Variants in SNRK observed in about 807,000 individuals in gnomAD.
SNRK encodes SNF-related serine/threonine-protein kinase.
SNRK carries 3 observed loss-of-function variants against 48.2 expected under a neutral mutation model. The ratio of observed to expected loss-of-function variants is 0.06; its 90% confidence interval spans 0.03 to 0.16. SNRK has a LOEUF of 0.16. SNRK is among the 10% of genes least tolerant of loss of function. SNRK has a pLI of 1.00. For synonymous variants in SNRK, 376 were observed against 366.1 expected, an observed-to-expected ratio of 1.03 and a Z score of -0.31; for missense variants, 627 against 976.0, an observed-to-expected ratio of 0.64 and a Z score of 4.76.
chr3:43,304,469 C>T (rs554348702), intron 3 of SNRK, among the ~76,000 whole-genome samples: 2 of 152,266 alleles, frequency 1.3e-5, no homozygotes, highest in African/African-American at 4.8e-5. Flanking sequence ...TTTCCCTCTC[C>T]ACACACTTTG....
At chr3:43,313,586 T>G (rs1007980941) in intron 3 of SNRK, among the ~76,000 whole-genome samples, 2 of 152,190 alleles carry the variant, frequency 1.3e-5, no homozygotes, top group African/African-American at 4.8e-5. Flanking sequence ...TGAAGGAGCC[T>G]TGTGGTGATG....
rs2090915900 is a variant in SNRK, at chr3:43,303,872, G to T, written c.589+80G>T. ...TCAGATCGGTTGTTTATCTAAAAATGATTTCTAGAGAATTTCTGTTAAATT... is the reference window on the plus strand; with the variant it reads ...TCAGATCGGTTGTTTATCTAAAAATTATTTCTAGAGAATTTCTGTTAAATT... On this transcript the variant is annotated intron_variant, in intron 3 of 6. Transcript: ENST00000296088. The surrounding 1 kb of genome is among the most constrained non-coding windows in gnomAD (Gnocchi z 6.2). 4.9e-6 allele frequency: 5 copies of T among 1,029,810 alleles called. No homozygotes were observed. The highest frequency in any genetic ancestry group is 1.6e-5 in the African/African-American group (1 of 62,314). The allele number at this position is 1,029,810 out of a possible 1,614,324, so 63.8% of individuals were successfully genotyped here.
At chr3:43,287,742 G>A (rs1225261083) in intron 1 of SNRK, among the ~76,000 whole-genome samples, 1 of 152,192 alleles carries the variant, frequency 6.6e-6, no homozygotes, top group Non-Finnish European at 1.5e-5. Flanking sequence ...CCTTGTATGG[G>A]ATTGGAGCAC....
intron 4 of SNRK, among the ~76,000 whole-genome samples, chr3:43,339,197 C>T (rs1368649430): frequency 6.6e-6 from 1 of 152,178 alleles, no homozygotes; most frequent in African/African-American, 2.4e-5. Flanking sequence ...ACACAGATAT[C>T]ATTAGTTTGG....
At chr3:43,338,684 G>A (rs189747323) in intron 4 of SNRK, among the ~76,000 whole-genome samples, 130 of 152,066 alleles carry the variant, frequency 8.5e-4, no homozygotes, top group Non-Finnish European at 1.4e-3. Context: ...ATTTCCTAAC[G>A]CAGTCTATTG....
intron 3 of SNRK, among the ~76,000 whole-genome samples, chr3:43,330,164 T>A (rs1304868377): frequency 1.3e-5 from 2 of 152,242 alleles, no homozygotes; most frequent in Non-Finnish European, 2.9e-5. Context: ...TTAAACATTG[T>A]CAATATTTGA....
intron 3 of SNRK, among the ~76,000 whole-genome samples, chr3:43,309,151 GT>G (rs1004555950): frequency 3.2e-4 from 49 of 151,216 alleles, no homozygotes; most frequent in Non-Finnish European, 4.3e-4. Context: ...CAAAGAAAGT[GT>G]TTTTTTTTAG....
rs2091319927 is a variant in SNRK at position 43,351,094 on chromosome 3, G to T, written c.*2537G>T. 2 of 152,194 alleles carry T rather than the reference G, an allele frequency of 1.3e-5. No individual in the cohort carries two copies. The highest frequency in any genetic ancestry group is 4.8e-5 in the African/African-American group (2 of 41,298). 9.4% of individuals were successfully genotyped at this position (152,194 alleles called of 1,614,324 possible). ...ACATTGACAGGTATGTGACAAATGGGAAAAAAAATCCAAATAATAAAGTGA... is the reference window on the plus strand; with the variant it reads ...ACATTGACAGGTATGTGACAAATGGTAAAAAAAATCCAAATAATAAAGTGA... On this transcript the variant is annotated 3_prime_UTR_variant, in exon 7 of 7. Coordinates refer to ENST00000296088, the MANE Select transcript of SNRK (RefSeq NM_017719.5).
chr3:43,324,710 C>G (rs1215459829), intron 3 of SNRK, among the ~76,000 whole-genome samples: 1 of 151,658 alleles, frequency 6.6e-6, no homozygotes, highest in Non-Finnish European at 1.5e-5. Flanking sequence ...TATTGTAATT[C>G]CTAGAAAGAT....
intron 1 of SNRK, among the ~76,000 whole-genome samples, chr3:43,299,094 AGT>A (rs1250772607): frequency 3.4e-4 from 52 of 152,150 alleles, no homozygotes; most frequent in Non-Finnish European, 5.6e-4. Context: ...CCTACTATGC[AGT>A]TTCATGGGGA....
intron 1 of SNRK, among the ~76,000 whole-genome samples, chr3:43,287,290 G>A (rs1385977926): frequency 1.3e-5 from 2 of 152,188 alleles, no homozygotes; most frequent in African/African-American, 4.8e-5. Flanking sequence ...GGAAATCTAC[G>A]TTCTTTTCCA....
At chr3:43,317,686 C>T (rs566880787) in intron 3 of SNRK, among the ~76,000 whole-genome samples, 7 of 152,132 alleles carry the variant, frequency 4.6e-5, no homozygotes, top group Non-Finnish European at 7.4e-5. Context: ...ACTCCAAGCC[C>T]GGTCCTACCT....
intron 6 of SNRK, among the ~76,000 whole-genome samples, chr3:43,343,895 T>C (rs2091255761): frequency 6.6e-6 from 1 of 152,146 alleles, no homozygotes; most frequent in African/African-American, 2.4e-5. Flanking sequence ...CTAAATAGAG[T>C]ATTGCTATGC....
At chr3:43,328,392 G>C in intron 3 of SNRK, among the ~76,000 whole-genome samples, 1 of 151,754 alleles carries the variant, frequency 6.6e-6, no homozygotes, top group East Asian at 1.9e-4. Context: ...ATGGGGTCTG[G>C]CTATGTTTCC....
chr3:43,295,401 A>C lies in SNRK; in HGVS notation c.-168-4353A>C, dbSNP rs577403254. On this transcript the variant is annotated intron_variant, in intron 1 of 6. Coordinates refer to ENST00000296088, the MANE Select transcript of SNRK (RefSeq NM_017719.5). Reference sequence around the variant, plus strand: ...TAGTCCCCTCAGCGGCCCCTAGCCCATCAAATTGATGAAAACGAAGAACAT... The same window carrying C: ...TAGTCCCCTCAGCGGCCCCTAGCCCCTCAAATTGATGAAAACGAAGAACAT... Among the ~76,000 whole-genome samples, 23 of 152,370 alleles carry C rather than the reference A, an allele frequency of 1.5e-4. No homozygotes were observed. The South Asian group carries it at 4.8e-3, about 32-fold the overall frequency.
intron 3 of SNRK, among the ~76,000 whole-genome samples, chr3:43,324,579 T>G (rs1417650862): frequency 6.6e-6 from 1 of 151,500 alleles, no homozygotes; most frequent in African/African-American, 2.4e-5. Flanking sequence ...CTGAAAGAAG[T>G]AAGTGTTAAT....
At chr3:43,337,256 G>A (rs1387850840) in intron 4 of SNRK, among the ~76,000 whole-genome samples, 1 of 149,236 alleles carries the variant, frequency 6.7e-6, no homozygotes, top group Non-Finnish European at 1.5e-5. Flanking sequence ...TGTATTTTTA[G>A]TAGTGATGGG....
chr3:43,345,639 G>A (rs1265077450), intron 6 of SNRK, among the ~76,000 whole-genome samples: 1 of 152,192 alleles, frequency 6.6e-6, no homozygotes, highest in African/African-American at 2.4e-5. Flanking sequence ...ACCTGGAATT[G>A]AGGGAGAACA....
chr3:43,338,681 A>C (rs908635241), intron 4 of SNRK, among the ~76,000 whole-genome samples: 1 of 152,124 alleles, frequency 6.6e-6, no homozygotes, highest in African/African-American at 2.4e-5. Context: ...TGTATTTCCT[A>C]ACGCAGTCTA....
Sources: gnomAD v4.1 joint callset for allele counts (sites outside exome capture counted in the v4.1 genomes callset) on GRCh38, gnomAD v4.1.1 for gene constraint, Gnocchi (gnomAD v3.1) non-coding constraint, MANE v1.5 for transcripts, NCBI Gene and HGNC (gene_info 2026-07-23, HGNC 2026-07-21) for gene names.